The following TAOK3 variants were observed in gnomAD, a reference collection of about 807,000 sequenced individuals.
The protein encoded by TAOK3 is TAO kinase 3, also known as serine/threonine-protein kinase TAO3.
Under a neutral mutation model 120.4 loss-of-function variants are expected in TAOK3, and 40 were observed. That is an observed-to-expected ratio of 0.33 (90% confidence interval 0.26 to 0.43). The LOEUF (loss-of-function observed/expected upper bound fraction) is 0.43, where lower values mean the gene tolerates loss of function less well. TAOK3 is among the 20% of genes least tolerant of loss of function. The probability of loss-of-function intolerance (pLI) is 1.00; values close to 1 mark genes in which losing one functional copy is unlikely to be tolerated. For missense variants in TAOK3, 821 were observed against 1,112.1 expected (o/e 0.74, Z 3.72); for synonymous variants, 355 against 387.5 (o/e 0.92, Z 0.99).
chr12:118,180,293 T>G (rs962510068), intron 15 of TAOK3, among the ~76,000 whole-genome samples: 3 of 148,498 alleles, frequency 2.0e-5, no homozygotes, highest in Non-Finnish European at 3.0e-5. Flanking sequence ...CAGGCTAGAG[T>G]GCAGTGACAC....
At chr12:118,235,770 G>GAACA (rs568803392) in intron 7 of TAOK3, 99 bp from the exon 8 acceptor site, 10 of 741,456 alleles carry the variant, frequency 1.3e-5, no homozygotes, top group African/African-American at 7.1e-5. Flanking sequence ...TTATTTAAAC[G>GAACA]AACAAACAAA....
At chr12:118,305,740 C>T (rs1421003413) in intron 1 of TAOK3, among the ~76,000 whole-genome samples, 2 of 151,786 alleles carry the variant, frequency 1.3e-5, no homozygotes, top group Non-Finnish European at 2.9e-5. Flanking sequence ...CCCATCTCTA[C>T]TAAAAATACA....
intron 16 of TAOK3, among the ~76,000 whole-genome samples, chr12:118,176,769 A>C (rs1199266406): frequency 6.6e-6 from 1 of 151,848 alleles, no homozygotes. Context: ...CATTTTAGGT[A>C]ATTTTTTTTT....
At chr12:118,267,191 T>A (rs940056372) in intron 1 of TAOK3, among the ~76,000 whole-genome samples, 2 of 152,130 alleles carry the variant, frequency 1.3e-5, no homozygotes, top group Non-Finnish European at 2.9e-5. Context: ...TAACCAATCT[T>A]CCACATTTTC....
In TAOK3 at chr12:118,372,261, C is replaced by T. The variant is rs1289466376; in HGVS notation, c.-194+387G>A. Among the ~76,000 whole-genome samples, 3 of 151,504 alleles carry T rather than the reference C, an allele frequency of 2.0e-5. No individual in the cohort carries two copies. Among genetic ancestry groups the T allele is most frequent in the Non-Finnish European group, 4.4e-5 (3 of 67,806 alleles). ...CTCGGGGACCCTTCCCCTCTCCCCG[C>T]TGTCCCTGACCTTTTCTGGGACCTG... On this transcript the variant is annotated intron_variant, in intron 1 of 20. Transcript: ENST00000392533. The surrounding 1 kb of genome is among the most constrained non-coding windows in gnomAD (Gnocchi z 4.6).
intron 1 of TAOK3, among the ~76,000 whole-genome samples, chr12:118,278,181 G>C (rs558378905): frequency 2.6e-5 from 4 of 151,982 alleles, no homozygotes; most frequent in Non-Finnish European, 2.9e-5. Context: ...GGGTACATGT[G>C]CAGGTTTGTT....
At chr12:118,340,280 A>G (rs909562471) in intron 1 of TAOK3, among the ~76,000 whole-genome samples, 3 of 152,202 alleles carry the variant, frequency 2.0e-5, no homozygotes, top group African/African-American at 7.2e-5. Context: ...TCCCAAGAGC[A>G]AAAAAATTTT....
At chr12:118,339,869 T>C (rs2044542063) in intron 1 of TAOK3, among the ~76,000 whole-genome samples, 1 of 152,290 alleles carries the variant, frequency 6.6e-6, no homozygotes, top group Non-Finnish European at 1.5e-5. Flanking sequence ...TCCAATACTT[T>C]ATAGATTTTA....
At chr12:118,185,287 CTTTA>C (rs2037005043) in intron 14 of TAOK3, among the ~76,000 whole-genome samples, 1 of 152,104 alleles carries the variant, frequency 6.6e-6, no homozygotes, top group Non-Finnish European at 1.5e-5. Flanking sequence ...TTCAATGCTA[CTTTA>C]TTTAATTCCA....
intron 11 of TAOK3, among the ~76,000 whole-genome samples, chr12:118,211,591 G>A (rs542285051): frequency 2.1e-5 from 3 of 143,328 alleles, no homozygotes; most frequent in African/African-American, 7.7e-5. Context: ...TTTTAACATC[G>A]CCCAAATTTA....
chr12:118,245,615 G>A (rs550065935), intron 3 of TAOK3, among the ~76,000 whole-genome samples: 3 of 152,106 alleles, frequency 2.0e-5, no homozygotes, highest in Non-Finnish European at 2.9e-5. Flanking sequence ...ACCGTGCCTG[G>A]CCTCATATTA....
chr12:118,182,623 A>ATATATATATAT (rs371125415), intron 14 of TAOK3, among the ~76,000 whole-genome samples: 7 of 92,386 alleles, frequency 7.6e-5, no homozygotes, highest in East Asian at 3.6e-4. Flanking sequence ...ATATATATAT[A>ATATATATATAT]TTTTTTTTTT....
chr12:118,182,007 A>C (rs2036758473), intron 14 of TAOK3, among the ~76,000 whole-genome samples: 1 of 152,156 alleles, frequency 6.6e-6, no homozygotes, highest in Non-Finnish European at 1.5e-5. Flanking sequence ...CAACATGGTA[A>C]AACCCCGTCT....
At chr12:118,153,862 T>G (rs1460396408) in intron 19 of TAOK3, among the ~76,000 whole-genome samples, 1 of 152,240 alleles carries the variant, frequency 6.6e-6, no homozygotes, top group Non-Finnish European at 1.5e-5. Context: ...CTTCTTTTAG[T>G]ACTTCTGGAG....
chr12:118,338,695 G>A (rs1302899177), intron 1 of TAOK3, among the ~76,000 whole-genome samples: 1 of 147,872 alleles, frequency 6.8e-6, no homozygotes, highest in Non-Finnish European at 1.5e-5. Flanking sequence ...GCTGAGGCAG[G>A]AGAATCACTT....
chr12:118,165,727 T>C (rs1362679024), intron 17 of TAOK3, among the ~76,000 whole-genome samples: 1 of 152,184 alleles, frequency 6.6e-6, no homozygotes, highest in African/African-American at 2.4e-5. Context: ...ATCGTAGTTG[T>C]AAAGATAAAA....
chr12:118,283,968 T>A (rs1423201762), intron 1 of TAOK3, among the ~76,000 whole-genome samples: 2 of 152,178 alleles, frequency 1.3e-5, no homozygotes, highest in Admixed American at 1.3e-4. Flanking sequence ...TTTCTACTGA[T>A]GAAAACGTTT....
In TAOK3 at chr12:118,255,598, A is replaced by T. The variant is rs553786104; in HGVS notation, c.-31T>A. 5 of 1,579,090 alleles carry T rather than the reference A, an allele frequency of 3.2e-6. No individual in the cohort carries two copies. The African/African-American group carries it at 6.8e-5, about 22-fold the overall frequency. On this transcript the variant is annotated 5_prime_UTR_variant, in exon 3 of 21. Transcript: ENST00000392533. ...CCAGTAGAGCAGGCTCTGCTTTTTG[A>T]TATCAGTTAGCTTTATTTCTCATTG...
At position 118,355,251 on chromosome 12, in the gene TAOK3, T is replaced by G. The variant is rs535130912; in HGVS notation, c.-194+17397A>C. ...CTATTGTCACCAAAACAAAAAAAAT[T>G]TTTTTAGCTGATCTAAAATCTTAAG... On this transcript the variant is annotated intron_variant, in intron 1 of 20. Transcript: ENST00000392533. Among the ~76,000 whole-genome samples, 4 of 152,256 alleles carry G rather than the reference T, an allele frequency of 2.6e-5. No homozygotes were observed. In the East Asian group the frequency reaches 7.7e-4, roughly 29 times the overall value.
Sources: gnomAD v4.1 joint callset for allele counts (sites outside exome capture counted in the v4.1 genomes callset) on GRCh38, gnomAD v4.1.1 for gene constraint, Gnocchi (gnomAD v3.1) non-coding constraint, MANE v1.5 for transcripts, NCBI Gene and HGNC (gene_info 2026-07-23, HGNC 2026-07-21) for gene names.